The following RBFOX3 variants were observed in gnomAD, a reference collection of about 807,000 sequenced individuals.
RBFOX3 encodes RNA binding protein fox-1 homolog 3.
In RBFOX3, 17 loss-of-function variants were observed where a neutral mutation model predicts 48.7. That is an observed-to-expected ratio of 0.35 (90% CI 0.24 to 0.52). RBFOX3 has a LOEUF of 0.52. Among genes scored for constraint, RBFOX3 ranks in the 20% least tolerant of loss-of-function variants. The pLI is 0.94. For synonymous variants in RBFOX3, 212 were observed against 209.5 expected (o/e 1.01, Z -0.10); for missense variants, 382 against 497.5 (o/e 0.77, Z 2.21).
intron 1 of RBFOX3, among the ~76,000 whole-genome samples, chr17:79,515,043 T>C (rs1438638191): frequency 6.6e-6 from 1 of 152,154 alleles, no homozygotes; most frequent in East Asian, 1.9e-4. Flanking sequence ...CACCTTCGGG[T>C]GTCCTGAGGC....
At chr17:79,322,767 C>T (rs998895150) in intron 2 of RBFOX3, among the ~76,000 whole-genome samples, 1 of 152,144 alleles carries the variant, frequency 6.6e-6, no homozygotes, top group Admixed American at 6.5e-5. Flanking sequence ...GGGAGGATAC[C>T]AGGCTTGTTT....
intron 3 of RBFOX3, among the ~76,000 whole-genome samples, chr17:79,276,551 G>C (rs939187491): frequency 6.6e-6 from 1 of 152,140 alleles, no homozygotes; most frequent in Non-Finnish European, 1.5e-5. Context: ...TGGGTCTGGT[G>C]GTGGGCGCCT....
At chr17:79,614,049 G>A (rs2093984616), upstream of RBFOX3, among the ~76,000 whole-genome samples, 1 of 152,252 alleles carries the variant, frequency 6.6e-6, no homozygotes, top group Non-Finnish European at 1.5e-5. Context: ...AACAGTAGCC[G>A]GCTGTGGGCA....
At chr17:79,216,542 G>A (rs1481542484) in intron 4 of RBFOX3, among the ~76,000 whole-genome samples, 2 of 152,134 alleles carry the variant, frequency 1.3e-5, no homozygotes, top group Non-Finnish European at 2.9e-5. Flanking sequence ...AGCACGTTGG[G>A]CTGAGCCCAG....
rs1196010104 is a variant in RBFOX3 at position 79,421,811 on chromosome 17, G to C, written c.-175+60643C>G. Among the ~76,000 whole-genome samples the C allele has an allele frequency of 2.6e-5, 4 of 152,274 alleles. No individual in the cohort carries two copies. Among genetic ancestry groups the C allele is most frequent in the African/African-American group, 7.2e-5 (3 of 41,564 alleles). ...GCCTTGGGACAAGGGCAGAGAGAGA[G>C]AAGGGGAAGGAAGTGATCAGGTGCC... On this transcript the variant is annotated intron_variant, in intron 2 of 14. Transcript: ENST00000693108. This position sits in a 1 kb window ranked among gnomAD's most constrained non-coding sequence, Gnocchi z 4.5.
chr17:79,474,359 T>C (rs2077425506), intron 2 of RBFOX3, among the ~76,000 whole-genome samples: 1 of 152,242 alleles, frequency 6.6e-6, no homozygotes, highest in African/African-American at 2.4e-5. Flanking sequence ...GTTCTGCAGT[T>C]ACTTCTGTGT....
intron 2 of RBFOX3, among the ~76,000 whole-genome samples, chr17:79,339,307 C>T (rs1308987715): frequency 3.9e-5 from 6 of 152,150 alleles, no homozygotes; most frequent in African/African-American, 7.2e-5. Flanking sequence ...CCTCTTGTCT[C>T]GGCCTCCCAA....
chr17:79,208,987 T>C (rs2057963800), intron 4 of RBFOX3, among the ~76,000 whole-genome samples: 1 of 152,066 alleles, frequency 6.6e-6, no homozygotes, highest in Admixed American at 6.6e-5. Context: ...GGCTAATTTT[T>C]TGTACTTTTT....
chr17:79,355,077 T>C (rs936394784), intron 2 of RBFOX3, among the ~76,000 whole-genome samples: 22 of 152,372 alleles, frequency 1.4e-4, no homozygotes, highest in South Asian at 4.1e-4. Flanking sequence ...GGGATCATTC[T>C]GACTCTCGGA....
At position 79,476,286 on chromosome 17, in the gene RBFOX3, C is replaced by T. The variant is rs1035344568; in HGVS notation, c.-175+6168G>A. Among the ~76,000 whole-genome samples, 31 of 152,384 alleles carry T rather than the reference C, an allele frequency of 2.0e-4. 1 individual carries two copies. The highest frequency in any genetic ancestry group is 4.1e-4 in the South Asian group (2 of 4,832). ...GGTGTCCTGGGGAACTCGCCCACAG[C>T]GCCCTCTGCGACCCGCCCAGTCTCC... On this transcript the variant is annotated intron_variant, in intron 2 of 14. Coordinates refer to ENST00000693108, the MANE Select transcript of RBFOX3 (RefSeq NM_001350451.2).
rs1280032819 is a variant in RBFOX3 at position 79,392,670 on chromosome 17, T to A, written c.-174-84846A>T. ...GCAGTACCACACCCTCTCTTCCCGATATCTGGCAAGCATCGGGCAGTGGCT... is the reference window on the plus strand; with the variant it reads ...GCAGTACCACACCCTCTCTTCCCGAAATCTGGCAAGCATCGGGCAGTGGCT... On this transcript the variant is annotated intron_variant, in intron 2 of 14. Transcript: ENST00000693108. This position sits in a 1 kb window ranked among gnomAD's most constrained non-coding sequence, Gnocchi z 5.0. Among the ~76,000 whole-genome samples the A allele has an allele frequency of 1.3e-5, 2 of 152,146 alleles. No individual in the cohort carries two copies. The highest frequency in any genetic ancestry group is 2.9e-5 in the Non-Finnish European group (2 of 68,020).
At position 79,101,039 on chromosome 17, in the gene RBFOX3, A is replaced by G. The variant is rs149366679; in HGVS notation, c.568+545T>C. Among the ~76,000 whole-genome samples the G allele has an allele frequency of 1.6e-4, 25 of 152,012 alleles. No homozygotes were observed. The East Asian group carries it at 4.9e-3, about 30-fold the overall frequency. On this transcript the variant is annotated intron_variant, in intron 9 of 14. Coordinates refer to ENST00000693108, the MANE Select transcript of RBFOX3 (RefSeq NM_001350451.2). ...AGCACCTCCCCCCGGGCCCTTCCTC[A>G]TGGTGCTTAAAGGTGTCATTTGTCA...
rs937017831 is a variant in RBFOX3 at position 79,249,144 on chromosome 17, C to T, written c.-73-13339G>A. ...AGGCCACTAACCCTTCCAAGCCCTG[C>T]AAAACCATCTCTGGAACCACCCTGA... On this transcript the variant is annotated intron_variant, in intron 3 of 14. Transcript: ENST00000693108. This position sits in a 1 kb window ranked among gnomAD's most constrained non-coding sequence, Gnocchi z 4.1. Among the ~76,000 whole-genome samples, 1 of 152,176 alleles carries T rather than the reference C, an allele frequency of 6.6e-6. No individual in the cohort carries two copies. The highest frequency in any genetic ancestry group is 1.5e-5 in the Non-Finnish European group (1 of 68,028).
At chr17:79,258,675 G>A (rs776441802) in intron 3 of RBFOX3, among the ~76,000 whole-genome samples, 9 of 148,394 alleles carry the variant, frequency 6.1e-5, no homozygotes, top group Non-Finnish European at 1.3e-4. Flanking sequence ...CACCCAGCAA[G>A]AGAGATGGAC....
the RBFOX3 span, among the ~76,000 whole-genome samples, chr17:79,638,373 CAAAT>C: frequency 7.0e-6 from 1 of 143,732 alleles, no homozygotes; most frequent in African/African-American, 2.6e-5. Context: ...AGAGAAGGCT[CAAAT>C]AAATAAAGTC....
rs1446438718 is a variant in RBFOX3, at chr17:79,457,429, G to A, written c.-175+25025C>T. Among the ~76,000 whole-genome samples, 6 of 152,234 alleles carry A rather than the reference G, an allele frequency of 3.9e-5. No homozygotes were observed. In the East Asian group the frequency reaches 1.2e-3, roughly 29 times the overall value. On this transcript the variant is annotated intron_variant, in intron 2 of 14. Transcript: ENST00000693108. Reference sequence around the variant, plus strand: ...CTTTCTAATCTCCGCAAATGTCATCGACTTCCAGAGATCTGTGAAATCACC... The same window carrying A: ...CTTTCTAATCTCCGCAAATGTCATCAACTTCCAGAGATCTGTGAAATCACC...
intron 1 of RBFOX3, among the ~76,000 whole-genome samples, chr17:79,541,331 C>A (rs2089663427): frequency 6.6e-6 from 1 of 152,164 alleles, no homozygotes; most frequent in Non-Finnish European, 1.5e-5. Flanking sequence ...CTCTCAGAAA[C>A]ACTCACACTA....
the RBFOX3 span, among the ~76,000 whole-genome samples, chr17:79,644,587 T>C: frequency 1.4e-4 from 21 of 152,328 alleles, no homozygotes; most frequent in Non-Finnish European, 2.4e-4. Context: ...ATCAATTGTA[T>C]TTTTATGTTT....
chr17:79,097,162 T>G, intron 11 of RBFOX3, 130 bp downstream of exon 11: 3 of 790,464 alleles, frequency 3.8e-6, no homozygotes, highest in South Asian at 2.0e-5. Flanking sequence ...GTTCTGGGGC[T>G]CCCACGATCC....
Sources: gnomAD v4.1 joint callset for allele counts (sites outside exome capture counted in the v4.1 genomes callset) on GRCh38, gnomAD v4.1.1 for gene constraint, Gnocchi (gnomAD v3.1) non-coding constraint, MANE v1.5 for transcripts, NCBI Gene and HGNC (gene_info 2026-07-23, HGNC 2026-07-21) for gene names.